Variants in DLAT observed in about 807,000 individuals in gnomAD.
DLAT encodes the protein dihydrolipoyllysine-residue acetyltransferase component of pyruvate dehydrogenase complex, mitochondrial.
In DLAT, 43 loss-of-function variants were observed where a neutral mutation model predicts 68.0. That is an observed-to-expected ratio of 0.63 (90% CI 0.50 to 0.81). The LOEUF is 0.81. Among genes scored for constraint, DLAT ranks in the 40% least tolerant of loss-of-function variants. The pLI is 0.00. For missense variants in DLAT, 745 were observed against 815.4 expected (o/e 0.91, Z 1.05); for synonymous variants, 265 against 288.6 (o/e 0.92, Z 0.83).
chr11:112,026,047 C>A, intron 1 of DLAT, 151 bp from the exon 2 acceptor site: 2 of 787,242 alleles, frequency 2.5e-6, no homozygotes, highest in Non-Finnish European at 4.3e-6. Flanking sequence ...ACTAACTTCT[C>A]ATGGACAGGA....
chr11:112,060,016 C>G lies in DLAT; in HGVS notation c.1628C>G (p.Ser543Cys), dbSNP rs782012097. Residue 543 changes from serine to cysteine, a missense_variant, in exon 12 of 14, where the codon TCT becomes TGT. By Grantham distance (112) the Ser-to-Cys change is moderately radical. Transcript: ENST00000280346. ...GVETIANDVV[S>C]LATKAREGKL... ...GAAACCATTGCTAATGATGTTGTTT[C>G]TTTAGCAACCAAAGCAAGAGAGGGT... The G allele has an allele frequency of 1.2e-6, 2 of 1,613,914 alleles. No homozygotes were observed. Among genetic ancestry groups the G allele is most frequent in the African/African-American group, 2.7e-5 (2 of 74,888 alleles).
chr11:112,045,971 G>A lies in DLAT; in HGVS notation c.1398+1G>A. 1 of 1,552,978 alleles carries A rather than the reference G, an allele frequency of 6.4e-7. No individual in the cohort carries two copies. The highest frequency in any genetic ancestry group is 1.1e-5 in the South Asian group (1 of 89,208). On this transcript the variant is annotated splice_donor_variant, in intron 10 of 13. Coordinates refer to ENST00000280346, the MANE Select transcript of DLAT (RefSeq NM_001931.5). LOFTEE classifies it high-confidence loss of function. ...GTTGGTACGGAAAGAACTTAATAAG[G>A]TAAAAGTTCTGAAAATTCCAACTTT... is the stretch of plus-strand genomic sequence containing the variant.
chr11:112,044,414 C>T (rs1039678095), intron 8 of DLAT, among the ~76,000 whole-genome samples: 1 of 152,118 alleles, frequency 6.6e-6, no homozygotes, highest in East Asian at 1.9e-4. Flanking sequence ...AGCCTGGTCA[C>T]GAACTCCTGG....
At chr11:112,041,280 G>A (rs75007181) in intron 7 of DLAT, among the ~76,000 whole-genome samples, 1 of 152,090 alleles carries the variant, frequency 6.6e-6, no homozygotes, top group African/African-American at 2.4e-5. Flanking sequence ...GCATATCTAG[G>A]TATTAGCTAT....
intron 6 of DLAT, among the ~76,000 whole-genome samples, chr11:112,037,983 A>G (rs782727231): frequency 1.3e-5 from 2 of 152,156 alleles, no homozygotes; most frequent in Non-Finnish European, 2.9e-5. Flanking sequence ...TTTGCCTAGA[A>G]TTTATTATAT....
chr11:112,042,005 G>T (rs938103300), intron 7 of DLAT, among the ~76,000 whole-genome samples: 3 of 152,166 alleles, frequency 2.0e-5, no homozygotes, highest in South Asian at 2.1e-4. Context: ...TAAAGAGTTT[G>T]AATTTTATTT....
intron 11 of DLAT, among the ~76,000 whole-genome samples, chr11:112,059,261 C>T (rs1199058618): frequency 6.6e-6 from 1 of 152,074 alleles, no homozygotes; most frequent in Non-Finnish European, 1.5e-5. Context: ...GGTTTTCTTT[C>T]AGCTGCATTC....
intron 5 of DLAT, among the ~76,000 whole-genome samples, chr11:112,034,908 G>T (rs1304652359): frequency 1.3e-5 from 2 of 151,828 alleles, no homozygotes; most frequent in African/African-American, 4.8e-5. Context: ...CGAGTAGCTG[G>T]GACTACAGGC....
intron 12 of DLAT, among the ~76,000 whole-genome samples, chr11:112,060,455 C>T (rs1287787800): frequency 2.0e-5 from 3 of 151,524 alleles, no homozygotes; most frequent in Admixed American, 1.3e-4. Context: ...CCACCACGCC[C>T]AGCGTAATTC....
At chr11:112,026,742 AT>A (rs1862040756) in intron 2 of DLAT, among the ~76,000 whole-genome samples, 1 of 152,144 alleles carries the variant, frequency 6.6e-6, no homozygotes, top group South Asian at 2.1e-4. Context: ...CAACCATCCG[AT>A]TTCTCAATCT....
intron 6 of DLAT, among the ~76,000 whole-genome samples, chr11:112,038,833 A>G (rs1862904369): frequency 6.6e-6 from 1 of 151,732 alleles, no homozygotes; most frequent in Non-Finnish European, 1.5e-5. Context: ...GTGACAGAGC[A>G]AGACTCTGTC....
chr11:112,030,732 A>G (rs1013458456), intron 4 of DLAT, among the ~76,000 whole-genome samples: 6 of 152,226 alleles, frequency 3.9e-5, no homozygotes, highest in African/African-American at 1.2e-4. Flanking sequence ...TTAGATGTTA[A>G]AAGTGGATAA....
At chr11:112,056,216 G>T (rs925055140) in intron 11 of DLAT, among the ~76,000 whole-genome samples, 12 of 152,046 alleles carry the variant, frequency 7.9e-5, no homozygotes, top group Admixed American at 3.3e-4. Flanking sequence ...ATCATAAAAT[G>T]TACCTGCTCT....
chr11:112,060,654 C>T (rs1216175135), intron 12 of DLAT, among the ~76,000 whole-genome samples: 6 of 151,858 alleles, frequency 4.0e-5, no homozygotes, highest in Non-Finnish European at 5.9e-5. Flanking sequence ...TTAGTAGTGT[C>T]GGGGTTTCAC....
At chr11:112,037,778 C>CTTT (rs35822904) in intron 6 of DLAT, among the ~76,000 whole-genome samples, 9 of 143,244 alleles carry the variant, frequency 6.3e-5, no homozygotes, top group African/African-American at 2.3e-4. Context: ...TTGCCCCACC[C>CTTT]TTTTTTTTTT....
intron 2 of DLAT, among the ~76,000 whole-genome samples, chr11:112,027,922 G>GGA (rs1862164896): frequency 6.6e-6 from 1 of 151,974 alleles, no homozygotes; most frequent in Non-Finnish European, 1.5e-5. Flanking sequence ...GTGGGGAGAG[G>GGA]GAGAGGGAGA....
chr11:112,031,178 T>C (rs1862373160), intron 4 of DLAT, among the ~76,000 whole-genome samples: 2 of 152,220 alleles, frequency 1.3e-5, no homozygotes, highest in South Asian at 4.1e-4. Context: ...AGGCTTGTCT[T>C]ACTTTCCCCT....
At chr11:112,033,091 G>A (rs1180484928) in intron 4 of DLAT, among the ~76,000 whole-genome samples, 5 of 152,012 alleles carry the variant, frequency 3.3e-5, no homozygotes, top group Non-Finnish European at 5.9e-5. Flanking sequence ...AAAAATAGAT[G>A]AAAAGATGCT....
rs980869400 is a variant in DLAT, at chr11:112,033,199, C to T, written c.661-205C>T. 3.3e-5 allele frequency among the ~76,000 whole-genome samples: 5 copies of T among 152,078 alleles called. No individual in the cohort carries two copies. The South Asian group carries it at 6.2e-4, about 19-fold the overall frequency. ...CTTGGAGTGTGTGTTAGAGTGTGGGCGAGAGTATAAGAGTATGGGTCAGAG... is the reference window on the plus strand; with the variant it reads ...CTTGGAGTGTGTGTTAGAGTGTGGGTGAGAGTATAAGAGTATGGGTCAGAG... On this transcript the variant is annotated intron_variant, in intron 4 of 13. Coordinates refer to ENST00000280346, the MANE Select transcript of DLAT (RefSeq NM_001931.5).
Sources: allele counts gnomAD v4.1 joint callset (sites outside exome capture counted in the v4.1 genomes callset), GRCh38; gene constraint gnomAD v4.1.1; transcripts MANE v1.5; gene names NCBI Gene and HGNC (gene_info 2026-07-23, HGNC 2026-07-21).